MPRIP: variants seen among roughly 807,000 people sequenced by gnomAD.
MPRIP encodes myosin phosphatase Rho-interacting protein.
MPRIP carries 59 observed loss-of-function variants against 234.9 expected under a neutral mutation model. The ratio of observed to expected loss-of-function variants is 0.25; its 90% CI spans 0.20 to 0.31. MPRIP has a LOEUF of 0.31. Among genes scored for constraint, MPRIP ranks in the 10% least tolerant of loss-of-function variants. The pLI, the probability that MPRIP is intolerant of heterozygous loss-of-function variation, is 1.00. For synonymous variants in MPRIP, 1,144 were observed against 1,263.9 expected (o/e 0.91, Z 2.01); for missense variants, 2,436 against 3,071.0 (o/e 0.79, Z 4.89).
chr17:17,076,873 CT>C (rs911720358), intron 2 of MPRIP, among the ~76,000 whole-genome samples: 1 of 148,806 alleles, frequency 6.7e-6, no homozygotes, highest in African/African-American at 2.5e-5. Flanking sequence ...GAGAGATGTG[CT>C]TTTATAGTCA....
chr17:17,116,672 C>A (rs1388477776), intron 3 of MPRIP, among the ~76,000 whole-genome samples: 2 of 152,260 alleles, frequency 1.3e-5, no homozygotes, highest in African/African-American at 4.8e-5. Context: ...TCCGTCCTGC[C>A]AGTCCCCAGT....
At chr17:17,106,189 C>T (rs768320872) in intron 3 of MPRIP, among the ~76,000 whole-genome samples, 1 of 152,206 alleles carries the variant, frequency 6.6e-6, no homozygotes, top group South Asian at 2.1e-4. Context: ...TCAGCCCTGC[C>T]GGCGTCCAAC....
At chr17:17,088,518 G>A (rs1213686009) in intron 3 of MPRIP, among the ~76,000 whole-genome samples, 1 of 152,226 alleles carries the variant, frequency 6.6e-6, no homozygotes, top group Non-Finnish European at 1.5e-5. Flanking sequence ...GGTTGAAAAA[G>A]CAAAGCCACA....
At chr17:17,130,692 C>T (rs548140646) in intron 4 of MPRIP, among the ~76,000 whole-genome samples, 1 of 152,186 alleles carries the variant, frequency 6.6e-6, no homozygotes, top group East Asian at 1.9e-4. Context: ...GGAGAGGACA[C>T]TAGGGCTGCC....
intron 19 of MPRIP, 86 bp from the exon 20 acceptor site, chr17:17,175,207 C>G: frequency 6.3e-7 from 1 of 1,591,738 alleles, no homozygotes; most frequent in East Asian, 2.2e-5. Context: ...ACACAAAGAA[C>G]CTAGGGAAAT....
rs376840381 is a variant in MPRIP, at chr17:17,177,372, G to A, written c.7080G>A (p.Leu2360=). Residue 2360 remains leucine (L), a synonymous_variant, in exon 22 of 24, where the codon CTG becomes CTA. Coordinates refer to ENST00000651222, the MANE Select transcript of MPRIP (RefSeq NM_001364716.4). ...AGCTCAAGGCTGCAACGGAAGCACT[G>A]GGGGAGAAGTCCCCTGACAGTGCCA... ...KEQLKAATEA[L]GEKSPDSATV... The A allele has an allele frequency of 4.3e-6, 7 of 1,613,722 alleles. No individual in the cohort carries two copies. The highest frequency in any genetic ancestry group is 2.2e-5 in the East Asian group (1 of 44,902).
chr17:17,144,166 C>T (rs1242630430), intron 9 of MPRIP, among the ~76,000 whole-genome samples: 1 of 152,184 alleles, frequency 6.6e-6, no homozygotes, highest in African/African-American at 2.4e-5. Flanking sequence ...GGAGCAAGGC[C>T]AACTCAGCAT....
chr17:17,161,393 C>T, intron 15 of MPRIP, 37 bp downstream of exon 15: 3 of 1,426,740 alleles, frequency 2.1e-6, no homozygotes, highest in South Asian at 1.3e-5. Flanking sequence ...ATGGTGCGCT[C>T]AGGAGCTTCA....
At chr17:17,068,244 A>G (rs4985718) in intron 1 of MPRIP, among the ~76,000 whole-genome samples, 126,292 of 152,054 alleles carry the variant, frequency 0.83, 52,670 homozygotes, top group East Asian at 0.99. Context: ...TCTGCCTCCC[A>G]GGTTCAAGCG....
intron 23 of MPRIP, among the ~76,000 whole-genome samples, chr17:17,183,514 C>A (rs1375928846): frequency 6.6e-6 from 1 of 152,276 alleles, no homozygotes; most frequent in Non-Finnish European, 1.5e-5. Context: ...CCGCGCCCGG[C>A]CTGGACCAGT....
In MPRIP at chr17:17,166,963, G is replaced by C. The variant is rs753328655; in HGVS notation, c.5372G>C (p.Ser1791Thr). ...ELAQQLKEKASLLEEIAAALP... is the reference protein window; with the variant it reads ...ELAQQLKEKATLLEEIAAALP... Reference sequence around the variant, plus strand: ...GCCCAGCAGCTGAAGGAGAAGGCCAGCCTCTTAGAGGAGATAGCGGCTGCC... The same window carrying C: ...GCCCAGCAGCTGAAGGAGAAGGCCACCCTCTTAGAGGAGATAGCGGCTGCC... The change falls in exon 16 of 24, where the codon AGC becomes ACC. Residue 1791 changes from serine (S) to threonine (T), a missense_variant. By Grantham distance (58) the Ser-to-Thr change is moderately conservative. Transcript: ENST00000651222. This position sits in a 1 kb window ranked among gnomAD's most constrained non-coding sequence, Gnocchi z 4.4. 7.7e-7 allele frequency: 1 copy of C among 1,304,144 alleles called. No homozygotes were observed. Among genetic ancestry groups the C allele is most frequent in the Admixed American group, 2.3e-5 (1 of 43,562 alleles). 80.8% of individuals were successfully genotyped at this position (1,304,144 alleles called of 1,614,324 possible). A position where few individuals can be genotyped will look rare whatever the true frequency, so the allele number is the denominator to read the frequency against.
At chr17:17,083,048 G>C (rs1352803263) in intron 3 of MPRIP, among the ~76,000 whole-genome samples, 6 of 152,228 alleles carry the variant, frequency 3.9e-5, no homozygotes, top group African/African-American at 1.4e-4. Flanking sequence ...TGGCAGGCAT[G>C]GTGCTGAGGG....
At chr17:17,178,141 T>C (rs1030231272) in intron 22 of MPRIP, among the ~76,000 whole-genome samples, 1 of 152,068 alleles carries the variant, frequency 6.6e-6, no homozygotes, top group Non-Finnish European at 1.5e-5. Context: ...CAGACTGATC[T>C]CAAACTCCTG....
chr17:17,188,785 C>G lies in MPRIP; in HGVS notation c.*3891C>G, dbSNP rs141211966. 1.2e-4 allele frequency: 19 copies of G among 152,390 alleles called. No homozygotes were observed. The highest frequency in any genetic ancestry group is 4.6e-4 in the African/African-American group (19 of 41,594). 9.4% of individuals were successfully genotyped at this position (152,390 alleles called of 1,614,324 possible). A position where few individuals can be genotyped will look rare whatever the true frequency, so the allele number is the denominator to read the frequency against. On this transcript the variant is annotated 3_prime_UTR_variant, in exon 24 of 24. Transcript: ENST00000651222. The stretch of plus-strand genomic sequence containing the variant: ...CGGGTGCCACGGAGCTGGGACACAG[C>G]AGAGCCCGCTAGGTGTTGCAGGGCC...
intron 3 of MPRIP, among the ~76,000 whole-genome samples, chr17:17,081,925 G>A (rs569281538): frequency 2.0e-5 from 3 of 152,128 alleles, no homozygotes; most frequent in Non-Finnish European, 4.4e-5. Flanking sequence ...GGTGGGGTCC[G>A]GGCAGCCTCA....
intron 13 of MPRIP, among the ~76,000 whole-genome samples, chr17:17,157,114 C>T (rs1430901914): frequency 6.6e-6 from 1 of 152,164 alleles, no homozygotes; most frequent in African/African-American, 2.4e-5. Context: ...TCTGTGGGGC[C>T]TATCTCTAGA....
intron 7 of MPRIP, chr17:17,142,298 G>A (rs2045343576): frequency 3.9e-6 from 1 of 253,810 alleles, no homozygotes; most frequent in Non-Finnish European, 7.7e-6. Context: ...CTTCCGTGGT[G>A]GTGGTTGCCT....
intron 1 of MPRIP, among the ~76,000 whole-genome samples, chr17:17,065,367 A>G (rs576095406): frequency 4.5e-4 from 65 of 143,654 alleles, no homozygotes; most frequent in Non-Finnish European, 8.9e-4. Flanking sequence ...TACTTTCTGT[A>G]TCAGCTTGAG....
chr17:17,170,834 C>A (rs966199805), intron 16 of MPRIP: 6 of 152,222 alleles, frequency 3.9e-5, no homozygotes, highest in African/African-American at 1.4e-4. Context: ...AGCACGCTCA[C>A]CTGCTTTGTT....
Sources: gnomAD v4.1 joint callset for allele counts (sites outside exome capture counted in the v4.1 genomes callset) on GRCh38, gnomAD v4.1.1 for gene constraint, Gnocchi (gnomAD v3.1) non-coding constraint, MANE v1.5 for transcripts, NCBI Gene and HGNC (gene_info 2026-07-23, HGNC 2026-07-21) for gene names.